Variants in DRC8 observed in about 807,000 individuals in gnomAD.
DRC8 encodes dynein regulatory complex subunit 8, also known as dynein regulatory complex protein 8.
the DRC8 span, among the ~76,000 whole-genome samples, chr1:245,088,449 C>T: frequency 1.3e-5 from 2 of 152,056 alleles, no homozygotes; most frequent in African/African-American, 4.8e-5. The surrounding 1 kb of genome is among the most constrained non-coding windows in gnomAD (Gnocchi z 4.6). Flanking sequence ...TGTAGTCTTG[C>T]CCCCAAAAGA....
At chr1:245,118,525 C>T in the DRC8 span, among the ~76,000 whole-genome samples, 1 of 152,192 alleles carries the variant, frequency 6.6e-6, no homozygotes, top group Non-Finnish European at 1.5e-5. Context: ...GGCGCAGTGG[C>T]TCACGCCTGT....
the DRC8 span, chr1:245,087,508 C>T: frequency 3.2e-5 from 44 of 1,366,870 alleles, no homozygotes; most frequent in African/African-American, 3.0e-4. Context: ...TAAAGATGAT[C>T]GTAACACTTT....
chr1:245,052,080 G>A, the DRC8 span, among the ~76,000 whole-genome samples: 1 of 152,078 alleles, frequency 6.6e-6, no homozygotes, highest in African/African-American at 2.4e-5. Context: ...CGTTTTCTGA[G>A]ATGAAGGGAG....
At chr1:245,070,545 G>A in the DRC8 span, among the ~76,000 whole-genome samples, 2 of 152,116 alleles carry the variant, frequency 1.3e-5, no homozygotes, top group African/African-American at 4.8e-5. Context: ...ATTCGTATTT[G>A]TTTTTATTGA....
At chr1:245,059,394 G>A in the DRC8 span, 5 of 1,610,080 alleles carry the variant, frequency 3.1e-6, no homozygotes, top group Non-Finnish European at 4.2e-6. Context: ...AGAGAGATTG[G>A]AACAATTATC....
At chr1:245,065,774 C>T in the DRC8 span, among the ~76,000 whole-genome samples, 5 of 151,610 alleles carry the variant, frequency 3.3e-5, no homozygotes, top group South Asian at 2.1e-4. Context: ...ATTTTTCTGT[C>T]GTGCAGGCTT....
At chr1:245,120,891 G>A in the DRC8 span, among the ~76,000 whole-genome samples, 1 of 152,232 alleles carries the variant, frequency 6.6e-6, no homozygotes, top group Admixed American at 6.5e-5. Flanking sequence ...CTTGCAGGCC[G>A]CTAAAGCCTC....
At chr1:245,058,336 A>G in the DRC8 span, among the ~76,000 whole-genome samples, 21 of 152,198 alleles carry the variant, frequency 1.4e-4, no homozygotes, top group Admixed American at 1.0e-3. Context: ...TGAGGATAGT[A>G]CATGTTTTGT....
At chr1:244,987,616 C>G in the DRC8 span, among the ~76,000 whole-genome samples, 2 of 148,240 alleles carry the variant, frequency 1.3e-5, no homozygotes, top group African/African-American at 2.5e-5. Context: ...ACCCCCCCAG[C>G]CAAAGGCCAA....
the DRC8 span, among the ~76,000 whole-genome samples, chr1:245,082,797 T>G: frequency 4.6e-5 from 7 of 152,210 alleles, no homozygotes; most frequent in East Asian, 1.4e-3. Context: ...CTCCACCTCC[T>G]GGGTTCAAGC....
chr1:245,068,823 A>G, the DRC8 span, among the ~76,000 whole-genome samples: 6 of 152,124 alleles, frequency 3.9e-5, no homozygotes, highest in African/African-American at 1.4e-4. Flanking sequence ...TTATATCACA[A>G]ATTATATCTC....
chr1:245,059,124 G>A, the DRC8 span, among the ~76,000 whole-genome samples: 1 of 152,192 alleles, frequency 6.6e-6, no homozygotes, highest in African/African-American at 2.4e-5. Context: ...TTGGTACATG[G>A]CCAATGTTTC....
chr1:245,027,900 G>A, the DRC8 span, among the ~76,000 whole-genome samples: 1 of 148,292 alleles, frequency 6.7e-6, no homozygotes, highest in Non-Finnish European at 1.5e-5. Flanking sequence ...AAGTGCTCAT[G>A]GATGTTTTTG....
the DRC8 span, among the ~76,000 whole-genome samples, chr1:244,996,474 T>C: frequency 6.6e-6 from 1 of 152,176 alleles, no homozygotes; most frequent in Non-Finnish European, 1.5e-5. Context: ...CTGGAAGCTA[T>C]CTGGACGTTG....
At chr1:245,026,690 A>G in the DRC8 span, among the ~76,000 whole-genome samples, 1 of 152,376 alleles carries the variant, frequency 6.6e-6, no homozygotes, top group East Asian at 1.9e-4. Flanking sequence ...GTTCACATGT[A>G]TGAATGAAGT....
the DRC8 span, among the ~76,000 whole-genome samples, chr1:245,115,205 A>G: frequency 0.68 from 102,684 of 151,808 alleles, 35,876 homozygotes; most frequent in East Asian, 0.86. Context: ...ACGCCACTTC[A>G]CCTGGCTAAT....
At chr1:244,994,614 G>T in the DRC8 span, among the ~76,000 whole-genome samples, 1 of 152,080 alleles carries the variant, frequency 6.6e-6, no homozygotes, top group South Asian at 2.1e-4. Context: ...ATTTTTAGTA[G>T]TGATGGGGTT....
At chr1:244,992,137 A>G in the DRC8 span, among the ~76,000 whole-genome samples, 2 of 152,192 alleles carry the variant, frequency 1.3e-5, no homozygotes, top group Non-Finnish European at 2.9e-5. Context: ...ACAAGGAAAA[A>G]CTTTTCTTCA....
At chr1:244,995,321 A>G in the DRC8 span, among the ~76,000 whole-genome samples, 1 of 151,762 alleles carries the variant, frequency 6.6e-6, no homozygotes, top group African/African-American at 2.4e-5. Flanking sequence ...AGATTGTGCC[A>G]CTGCACTCCA....
Sources: allele counts gnomAD v4.1 joint callset (sites outside exome capture counted in the v4.1 genomes callset), GRCh38; gene constraint gnomAD v4.1.1; non-coding constraint Gnocchi (gnomAD v3.1); transcripts MANE v1.5; gene names NCBI Gene and HGNC (gene_info 2026-07-23, HGNC 2026-07-21).